Variants in TBCE observed in about 807,000 individuals in gnomAD.
TBCE encodes the protein tubulin-specific chaperone E.
Under a neutral mutation model 77.0 loss-of-function variants are expected in TBCE, and 53 were observed. The ratio of observed to expected loss-of-function variants is 0.69; its 90% CI spans 0.55 to 0.87. The LOEUF (loss-of-function observed/expected upper bound fraction) is 0.87, where lower values mean the gene tolerates loss of function less well. Among genes scored for constraint, TBCE ranks in the 40% least tolerant of loss-of-function variants. The probability of loss-of-function intolerance (pLI) is 0.00; values close to 1 mark genes in which losing one functional copy is unlikely to be tolerated. For synonymous variants in TBCE, 235 were observed against 241.3 expected (o/e 0.97, Z 0.24); for missense variants, 624 against 622.4 (o/e 1.00, Z -0.03).
At chr1:235,387,609 C>T (rs774904901) in intron 2 of TBCE, among the ~76,000 whole-genome samples, 11 of 152,248 alleles carry the variant, frequency 7.2e-5, no homozygotes, top group African/African-American at 1.2e-4. Context: ...GAGCCAGGTG[C>T]GGGATATAAT....
intron 11 of TBCE, 45 bp from the exon 12 acceptor site, chr1:235,437,277 C>A (rs146746096): frequency 9.3e-6 from 15 of 1,613,246 alleles, no homozygotes; most frequent in African/African-American, 8.0e-5. Context: ...GCAAAAGTGG[C>A]ATGAACGTAC....
At position 235,449,544 on chromosome 1, in the gene TBCE, A is replaced by G. The variant is rs562399006; in HGVS notation, c.*782A>G. ...CTGTGACCTTCAGGATTTATGTTAGATGGCAGAAAGAAAATTTGGGTATTA... is the reference window on the plus strand; with the variant it reads ...CTGTGACCTTCAGGATTTATGTTAGGTGGCAGAAAGAAAATTTGGGTATTA... On this transcript the variant is annotated 3_prime_UTR_variant, in exon 17 of 17. Coordinates refer to ENST00000642610, the MANE Select transcript of TBCE (RefSeq NM_003193.5). 13 of 152,600 alleles carry G rather than the reference A, an allele frequency of 8.5e-5. No homozygotes were observed. Among genetic ancestry groups the G allele is most frequent in the African/African-American group, 3.1e-4 (13 of 41,578 alleles). The allele number at this position is 152,600 out of a possible 1,614,324, so 9.5% of individuals were successfully genotyped here. A position where few individuals can be genotyped will look rare whatever the true frequency, so the allele number is the denominator to read the frequency against.
intron 7 of TBCE, among the ~76,000 whole-genome samples, chr1:235,431,133 C>T (rs893670716): frequency 1.2e-4 from 18 of 152,212 alleles, no homozygotes; most frequent in African/African-American, 4.1e-4. Flanking sequence ...TGACTAGCTT[C>T]CTGAGTTTTC....
At chr1:235,409,277 C>T (rs1311349203) in intron 3 of TBCE, among the ~76,000 whole-genome samples, 1 of 152,174 alleles carries the variant, frequency 6.6e-6, no homozygotes, top group East Asian at 1.9e-4. Flanking sequence ...CTGAACAGGC[C>T]AAATGCTTCC....
chr1:235,424,542 G>C (rs1385625308), intron 5 of TBCE, among the ~76,000 whole-genome samples: 1 of 146,588 alleles, frequency 6.8e-6, no homozygotes, highest in Non-Finnish European at 1.5e-5. Context: ...TTTCGTTCTT[G>C]TTGCCCAGGC....
intron 2 of TBCE, among the ~76,000 whole-genome samples, chr1:235,390,947 AG>A (rs1182394000): frequency 6.6e-6 from 1 of 152,044 alleles, no homozygotes; most frequent in Non-Finnish European, 1.5e-5. Context: ...TATCATGTAA[AG>A]GTTCATCTTA....
At chr1:235,447,956 A>G (rs753959629) in intron 15 of TBCE, among the ~76,000 whole-genome samples, 7 of 152,110 alleles carry the variant, frequency 4.6e-5, no homozygotes, top group Non-Finnish European at 8.8e-5. Flanking sequence ...CATGCTTGTA[A>G]TCCCAGCACT....
At chr1:235,406,086 CTT>C (rs1220372270) in intron 3 of TBCE, among the ~76,000 whole-genome samples, 1 of 152,084 alleles carries the variant, frequency 6.6e-6, no homozygotes, top group African/African-American at 2.4e-5. Flanking sequence ...TTATAAATAA[CTT>C]TTTAAAATTT....
chr1:235,450,584 C>A lies in TBCE; in HGVS notation c.*1822C>A. ...GGCGGTGTGTGGATGAAGAGTTAGT[C>A]AACAAATGCCATTCCGTAATGAACG... On this transcript the variant is annotated 3_prime_UTR_variant, in exon 17 of 17. Transcript: ENST00000642610. The A allele has an allele frequency of 2.2e-6, 1 of 459,092 alleles. No homozygotes were observed. The highest frequency in any genetic ancestry group is 2.8e-5 in the South Asian group (1 of 36,110). 28.4% of individuals were successfully genotyped at this position (459,092 alleles called of 1,614,324 possible). A position where few individuals can be genotyped will look rare whatever the true frequency, so the allele number is the denominator to read the frequency against.
intron 1 of TBCE, among the ~76,000 whole-genome samples, chr1:235,368,552 C>CTGTTTTT (rs1676704421): frequency 2.0e-5 from 1 of 49,764 alleles, no homozygotes; most frequent in Non-Finnish European, 3.3e-5. Flanking sequence ...GGACAGCCTG[C>CTGTTTTT]TTTTTTTTTT....
At chr1:235,433,145 C>A in intron 7 of TBCE, 1 of 1,469,388 alleles carries the variant, frequency 6.8e-7, no homozygotes, top group South Asian at 1.4e-5. Context: ...AAAACCTGTG[C>A]TATCTGCAGG....
intron 5 of TBCE, among the ~76,000 whole-genome samples, chr1:235,424,949 G>A (rs185233160): frequency 3.5e-4 from 53 of 152,242 alleles, no homozygotes; most frequent in African/African-American, 9.6e-4. Flanking sequence ...CCTGGATCTT[G>A]GAGCTCTTCT....
At chr1:235,419,677 G>T (rs1264957028) in intron 5 of TBCE, 116 bp downstream of exon 5, 2 of 1,425,800 alleles carry the variant, frequency 1.4e-6, no homozygotes, top group East Asian at 2.4e-5. Flanking sequence ...TCCTAATGCA[G>T]TTCAGTTTTG....
intron 2 of TBCE, among the ~76,000 whole-genome samples, chr1:235,386,684 C>T (rs1232566548): frequency 8.5e-5 from 13 of 152,094 alleles, no homozygotes; most frequent in Admixed American, 5.9e-4. Context: ...ATTGGTTATT[C>T]TAGTTATACA....
Position 235,450,383 on chromosome 1 carries a change from G to A in TBCE, c.*1621G>A, listed in dbSNP as rs1682825326. On this transcript the variant is annotated 3_prime_UTR_variant, in exon 17 of 17. Transcript: ENST00000642610. ...AAGCCGATCTGAGAGTGGTGAAACT[G>A]TTTTAAGAGCATCAGAAAGTATGCA... 1 of 1,600,666 alleles carries A rather than the reference G, an allele frequency of 6.2e-7. No homozygotes were observed.
chr1:235,378,815 C>G (rs528378083), intron 1 of TBCE, among the ~76,000 whole-genome samples: 31 of 152,076 alleles, frequency 2.0e-4, no homozygotes, highest in Non-Finnish European at 4.1e-4. Flanking sequence ...TAGCAGAGAT[C>G]GTGCCACTGC....
intron 9 of TBCE, 171 bp downstream of exon 9, chr1:235,436,011 T>C (rs1681429097): frequency 1.5e-6 from 1 of 663,106 alleles, no homozygotes; most frequent in East Asian, 2.7e-5. Context: ...GAAAATTTAC[T>C]TGTGAACCCT....
chr1:235,428,399 TTA>T (rs748332153), intron 6 of TBCE, among the ~76,000 whole-genome samples: 12 of 152,172 alleles, frequency 7.9e-5, no homozygotes, highest in Non-Finnish European at 1.5e-4. Context: ...CCCCTCTCTC[TTA>T]CTAGAGAGAG....
intron 2 of TBCE, among the ~76,000 whole-genome samples, chr1:235,397,190 G>C (rs1678784228): frequency 6.9e-6 from 1 of 144,330 alleles, no homozygotes; most frequent in African/African-American, 2.6e-5. Context: ...GGCCAGGATG[G>C]TCTCAATCTC....
Sources: allele counts gnomAD v4.1 joint callset (sites outside exome capture counted in the v4.1 genomes callset), GRCh38; gene constraint gnomAD v4.1.1; transcripts MANE v1.5; gene names NCBI Gene and HGNC (gene_info 2026-07-23, HGNC 2026-07-21).